KHDRBS2: variants seen among roughly 807,000 people sequenced by gnomAD.
The protein encoded by KHDRBS2 is KH RNA binding domain containing, signal transduction associated 2.
KHDRBS2 carries 26 observed loss-of-function variants against 44.3 expected under a neutral mutation model. The observed-to-expected ratio is 0.59, with a 90% CI of 0.43 to 0.81. The LOEUF (loss-of-function observed/expected upper bound fraction) is 0.81, where lower values mean the gene tolerates loss of function less well. Ranked by LOEUF, KHDRBS2 falls within the 40% of genes least tolerant of loss-of-function variation. The probability of loss-of-function intolerance (pLI) is 0.00; values close to 1 mark genes in which losing one functional copy is unlikely to be tolerated. For synonymous variants in KHDRBS2, 194 were observed against 151.1 expected, an observed-to-expected ratio of 1.28 and a Z score of -2.08; for missense variants, 476 against 433.1, an observed-to-expected ratio of 1.10 and a Z score of -0.88.
At chr6:62,118,299 T>A (rs1000198757) in intron 2 of KHDRBS2, among the ~76,000 whole-genome samples, 3 of 152,220 alleles carry the variant, frequency 2.0e-5, no homozygotes, top group Non-Finnish European at 4.4e-5. Context: ...TTACTATAAG[T>A]TTGCAGTATA....
the KHDRBS2 span, among the ~76,000 whole-genome samples, chr6:61,555,419 A>G: frequency 2.6e-5 from 4 of 152,016 alleles, no homozygotes; most frequent in Admixed American, 6.5e-5. Context: ...CATTTATTGT[A>G]TTCTTTAGAA....
intron 6 of KHDRBS2, among the ~76,000 whole-genome samples, chr6:61,796,978 C>T (rs1582889980): frequency 6.6e-6 from 1 of 151,960 alleles, no homozygotes; most frequent in Non-Finnish European, 1.5e-5. Flanking sequence ...ATATACAGAA[C>T]AAATATCACT....
At chr6:61,967,309 A>T (rs1770214239) in intron 4 of KHDRBS2, among the ~76,000 whole-genome samples, 1 of 152,004 alleles carries the variant, frequency 6.6e-6, no homozygotes, top group Non-Finnish European at 1.5e-5. Context: ...AAATCATAGT[A>T]TATCTGTGAA....
At chr6:61,784,062 T>A (rs1252745034) in intron 6 of KHDRBS2, among the ~76,000 whole-genome samples, 1 of 151,930 alleles carries the variant, frequency 6.6e-6, no homozygotes, top group African/African-American at 2.4e-5. Context: ...AACCCTAAAA[T>A]TAAATCTAAC....
chr6:61,844,273 C>A lies in KHDRBS2; in HGVS notation c.810+50362G>T, dbSNP rs573280820. Among the ~76,000 whole-genome samples, 226 of 152,230 alleles carry A rather than the reference C, an allele frequency of 1.5e-3. 1 individual carries two copies. The highest frequency in any genetic ancestry group is 2.9e-3 in the Non-Finnish European group (198 of 67,984). On this transcript the variant is annotated intron_variant, in intron 6 of 8. Transcript: ENST00000281156. ...CTCTGTTCCGACCTCTCTAATTTAT[C>A]CTACACTTTAAATCTTCACTAAAGT...
intron 2 of KHDRBS2, among the ~76,000 whole-genome samples, chr6:62,120,355 C>T (rs1302318677): frequency 2.0e-5 from 3 of 152,130 alleles, no homozygotes; most frequent in East Asian, 1.9e-4. Context: ...ACCAATACTT[C>T]GTGAAATAGA....
the KHDRBS2 span, among the ~76,000 whole-genome samples, chr6:61,578,113 G>C: frequency 5.9e-5 from 9 of 152,100 alleles, no homozygotes; most frequent in African/African-American, 2.2e-4. Context: ...AACGTCCTCA[G>C]CTTGGTTAAA....
At position 61,699,669 on chromosome 6, in the gene KHDRBS2, G is replaced by T. The variant is rs552341252; in HGVS notation, c.894-2416C>A. Among the ~76,000 whole-genome samples, 23 of 151,984 alleles carry T rather than the reference G, an allele frequency of 1.5e-4. 1 individual carries two copies. Among genetic ancestry groups the T allele is most frequent in the African/African-American group, 5.3e-4 (22 of 41,478 alleles). On this transcript the variant is annotated intron_variant, in intron 7 of 8. Coordinates refer to ENST00000281156, the MANE Select transcript of KHDRBS2 (RefSeq NM_152688.4). ...TATTTTAAGTACTTTTGATTTTATT[G>T]ATAGTAAAGCAAGAGAAGCAGAAAA... is the stretch of plus-strand genomic sequence containing the variant.
At position 61,936,334 on chromosome 6, in the gene KHDRBS2, T is replaced by C. The variant is rs1321252291; in HGVS notation, c.484-34963A>G. ...CTGGCTTCAAAATATTCCAACAAAATATAACATTAATATTTTTATTCGGCC... is the reference window on the plus strand; with the variant it reads ...CTGGCTTCAAAATATTCCAACAAAACATAACATTAATATTTTTATTCGGCC... On this transcript the variant is annotated intron_variant, in intron 4 of 8. Transcript: ENST00000281156. 1.1e-4 allele frequency among the ~76,000 whole-genome samples: 16 copies of C among 152,032 alleles called. No homozygotes were observed. In the East Asian group the frequency reaches 2.9e-3, roughly 27 times the overall value.
the KHDRBS2 span, among the ~76,000 whole-genome samples, chr6:61,581,588 CAATAT>C: frequency 6.9e-6 from 1 of 144,156 alleles, no homozygotes; most frequent in Non-Finnish European, 1.5e-5. Context: ...ACACAATATA[CAATAT>C]ACAATATACA....
intron 6 of KHDRBS2, among the ~76,000 whole-genome samples, chr6:61,838,559 G>T (rs1233751803): frequency 6.6e-6 from 1 of 151,736 alleles, no homozygotes; most frequent in Non-Finnish European, 1.5e-5. Context: ...AACTTATTTT[G>T]CCTTCTTCAA....
the KHDRBS2 span, among the ~76,000 whole-genome samples, chr6:61,655,736 T>C: frequency 6.6e-6 from 1 of 152,144 alleles, no homozygotes; most frequent in African/African-American, 2.4e-5. Flanking sequence ...TATCCTATTT[T>C]ATAAAACTTA....
intron 6 of KHDRBS2, among the ~76,000 whole-genome samples, chr6:61,834,223 A>T (rs1583070708): frequency 3.3e-5 from 5 of 152,078 alleles, no homozygotes; most frequent in Admixed American, 3.3e-4. Flanking sequence ...AATCAAATAA[A>T]GAGAGCTATT....
At chr6:62,267,439 C>T (rs1217651983) in intron 1 of KHDRBS2, among the ~76,000 whole-genome samples, 1 of 152,006 alleles carries the variant, frequency 6.6e-6, no homozygotes, top group Non-Finnish European at 1.5e-5. Context: ...AGCCATTTGG[C>T]TGCAGCCAGG....
intron 6 of KHDRBS2, among the ~76,000 whole-genome samples, chr6:61,745,451 T>A (rs1241042802): frequency 6.6e-6 from 1 of 152,144 alleles, no homozygotes; most frequent in Non-Finnish European, 1.5e-5. Context: ...TGCTAATGGA[T>A]CTATTTTAAA....
chr6:61,618,855 C>T, the KHDRBS2 span, among the ~76,000 whole-genome samples: 53 of 152,250 alleles, frequency 3.5e-4, no homozygotes, highest in Admixed American at 1.3e-4. Context: ...TCTATAGATC[C>T]GATCTTAATT....
intron 1 of KHDRBS2, among the ~76,000 whole-genome samples, chr6:62,200,105 C>T (rs556616269): frequency 5.3e-5 from 8 of 151,782 alleles, no homozygotes; most frequent in Non-Finnish European, 1.0e-4. Flanking sequence ...TAAAGACTTA[C>T]ATGTTAGACC....
the KHDRBS2 span, among the ~76,000 whole-genome samples, chr6:61,550,665 C>G: frequency 1.1e-4 from 16 of 152,054 alleles, no homozygotes; most frequent in African/African-American, 3.9e-4. Context: ...TTTACATTCC[C>G]AAGAGCAGCA....
chr6:61,805,804 T>C (rs1787063282), intron 6 of KHDRBS2, among the ~76,000 whole-genome samples: 2 of 152,176 alleles, frequency 1.3e-5, no homozygotes, highest in South Asian at 4.1e-4. Context: ...TCACCTCCTA[T>C]GAGGTCCCTC....
Sources: gnomAD v4.1 joint callset for allele counts (sites outside exome capture counted in the v4.1 genomes callset) on GRCh38, gnomAD v4.1.1 for gene constraint, MANE v1.5 for transcripts, NCBI Gene and HGNC (gene_info 2026-07-23, HGNC 2026-07-21) for gene names.